The following B3GLCT variants were observed in gnomAD, a reference collection of about 807,000 sequenced individuals.
The protein encoded by B3GLCT is beta-1,3-glucosyltransferase.
In B3GLCT, 65 loss-of-function variants were observed where a neutral mutation model predicts 63.4. The observed-to-expected ratio is 1.03, with a 90% CI of 0.84 to 1.26. B3GLCT has a LOEUF of 1.26. Ranked by LOEUF, B3GLCT falls within the 50% of genes most tolerant of loss-of-function variation. The pLI, the probability that B3GLCT is intolerant of heterozygous loss-of-function variation, is 0.00. For synonymous variants in B3GLCT, 233 were observed against 219.2 expected, an observed-to-expected ratio of 1.06 and a Z score of -0.55; for missense variants, 577 against 604.8, an observed-to-expected ratio of 0.95 and a Z score of 0.48.
intron 2 of B3GLCT, among the ~76,000 whole-genome samples, chr13:31,219,271 A>G (rs555890039): frequency 6.3e-4 from 96 of 152,338 alleles, no homozygotes; most frequent in African/African-American, 2.3e-3. Context: ...CTTTATTCTT[A>G]GGAGGCAAGG....
intron 1 of B3GLCT, among the ~76,000 whole-genome samples, chr13:31,214,126 G>C (rs1869433992): frequency 6.6e-6 from 1 of 152,134 alleles, no homozygotes; most frequent in African/African-American, 2.4e-5. Context: ...GAGCCCCTCT[G>C]CTGACACTCC....
chr13:31,284,772 A>C lies in B3GLCT; in HGVS notation c.964+11A>C. ...CTAATACAGATAGAGGTGAGTCATA[A>C]TTCTTACTACTCTCCTTATTAAACA... On this transcript the variant is annotated intron_variant, in intron 11 of 14. Coordinates refer to ENST00000343307, the MANE Select transcript of B3GLCT (RefSeq NM_194318.4). 1 of 1,294,394 alleles carries C rather than the reference A, an allele frequency of 7.7e-7. No individual in the cohort carries two copies. Among genetic ancestry groups the C allele is most frequent in the East Asian group, 2.3e-5 (1 of 43,312 alleles). 80.2% of individuals were successfully genotyped at this position (1,294,394 alleles called of 1,614,324 possible). A position where few individuals can be genotyped will look rare whatever the true frequency, so the allele number is the denominator to read the frequency against.
chr13:31,217,266 A>G (rs891378737), intron 2 of B3GLCT, among the ~76,000 whole-genome samples: 1 of 151,994 alleles, frequency 6.6e-6, no homozygotes, highest in African/African-American at 2.4e-5. Context: ...GTGTCTGTTC[A>G]CGTCCTTTAC....
chr13:31,308,748 C>T (rs1035508998), intron 12 of B3GLCT, among the ~76,000 whole-genome samples: 1 of 152,136 alleles, frequency 6.6e-6, no homozygotes, highest in Non-Finnish European at 1.5e-5. Flanking sequence ...TTACACCATA[C>T]CCTCTAGTTT....
chr13:31,273,094 CTTTGTTTTTCTTTT>C (rs528142204), intron 8 of B3GLCT, among the ~76,000 whole-genome samples: 115 of 151,904 alleles, frequency 7.6e-4, no homozygotes, highest in African/African-American at 2.7e-3. Context: ...TTTTTTCTTT[CTTTGTTTTTCTTTT>C]GAGACAGAGT....
At chr13:31,233,130 A>G (rs1870466206) in intron 4 of B3GLCT, among the ~76,000 whole-genome samples, 1 of 152,224 alleles carries the variant, frequency 6.6e-6, no homozygotes, top group African/African-American at 2.4e-5. Context: ...AAATTTATCA[A>G]ATGAAAATGA....
At chr13:31,215,434 G>A (rs1426449806) in intron 2 of B3GLCT, among the ~76,000 whole-genome samples, 1 of 151,496 alleles carries the variant, frequency 6.6e-6, no homozygotes, top group African/African-American at 2.4e-5. Flanking sequence ...TCTTTTTTGC[G>A]ACGGAGTTTC....
intron 1 of B3GLCT, 51 bp from the exon 2 acceptor site, chr13:31,215,000 C>T (rs184086373): frequency 3.3e-6 from 5 of 1,513,778 alleles, no homozygotes; most frequent in Admixed American, 1.7e-5. Context: ...TGAGAATTAA[C>T]CTGAATTGCT....
At chr13:31,301,310 T>G (rs146016910) in intron 12 of B3GLCT, among the ~76,000 whole-genome samples, 31 of 152,318 alleles carry the variant, frequency 2.0e-4, no homozygotes, top group African/African-American at 7.2e-4. Context: ...CCCCACCAGC[T>G]CTTCAGTTTC....
chr13:31,313,478 A>G (rs1395443109), intron 12 of B3GLCT, among the ~76,000 whole-genome samples: 1 of 152,178 alleles, frequency 6.6e-6, no homozygotes, highest in Non-Finnish European at 1.5e-5. Context: ...TAGCAAAGAG[A>G]CTTGTGGCAT....
chr13:31,215,230 A>G, intron 2 of B3GLCT, 130 bp downstream of exon 2: 1 of 1,017,392 alleles, frequency 9.8e-7, no homozygotes, highest in South Asian at 1.4e-5. Flanking sequence ...AATGTGGTCA[A>G]CATGGATTTT....
chr13:31,270,389 GA>G (rs2137848657), intron 8 of B3GLCT, among the ~76,000 whole-genome samples: 1 of 152,198 alleles, frequency 6.6e-6, no homozygotes, highest in African/African-American at 2.4e-5. Flanking sequence ...AATAAACTTA[GA>G]AAAACATAAT....
chr13:31,214,847 G>A (rs1432340927), intron 1 of B3GLCT, among the ~76,000 whole-genome samples: 2 of 152,246 alleles, frequency 1.3e-5, no homozygotes, highest in East Asian at 1.9e-4. Flanking sequence ...GCCTAAGCGT[G>A]TTGGCTTCGT....
intron 12 of B3GLCT, among the ~76,000 whole-genome samples, chr13:31,306,812 C>T: frequency 3.1e-5 from 2 of 65,316 alleles, no homozygotes; most frequent in African/African-American, 1.3e-4. Context: ...ACTTTCTTCA[C>T]AGAATTGGAA....
rs1262541723 is a variant in B3GLCT, at chr13:31,331,026, G to A, written c.*1358G>A. The A allele has an allele frequency of 6.6e-6, 1 of 152,122 alleles. No homozygotes were observed. Among genetic ancestry groups the A allele is most frequent in the East Asian group, 1.9e-4 (1 of 5,198 alleles). The allele number at this position is 152,122 out of a possible 1,614,324, so 9.4% of individuals were successfully genotyped here. A position where few individuals can be genotyped will look rare whatever the true frequency, so the allele number is the denominator to read the frequency against. On this transcript the variant is annotated 3_prime_UTR_variant, in exon 15 of 15. Coordinates refer to ENST00000343307, the MANE Select transcript of B3GLCT (RefSeq NM_194318.4). ...CAAATTAGCAACTACCAGACCTCAC[G>A]TGTTGCAGTGATAACACAATGCATT...
intron 1 of B3GLCT, among the ~76,000 whole-genome samples, chr13:31,206,387 T>A (rs1194761619): frequency 2.6e-5 from 4 of 152,180 alleles, no homozygotes; most frequent in African/African-American, 9.7e-5. Flanking sequence ...TGGGCCACCA[T>A]AGGCCCGGAT....
At chr13:31,259,406 T>A (rs1871905362) in intron 6 of B3GLCT, among the ~76,000 whole-genome samples, 1 of 152,032 alleles carries the variant, frequency 6.6e-6, no homozygotes, top group Non-Finnish European at 1.5e-5. Flanking sequence ...GGTACGTCTA[T>A]TCATAGACTG....
chr13:31,256,363 A>T (rs1356163459), intron 6 of B3GLCT, among the ~76,000 whole-genome samples: 3 of 152,220 alleles, frequency 2.0e-5, no homozygotes, highest in Non-Finnish European at 4.4e-5. Context: ...TGTGGAAGAC[A>T]GTGTGGCGAT....
chr13:31,279,594 G>A (rs1263354337), intron 10 of B3GLCT, among the ~76,000 whole-genome samples: 6 of 152,128 alleles, frequency 3.9e-5, no homozygotes, highest in African/African-American at 1.2e-4. Flanking sequence ...TAATAAAATA[G>A]CACAAGGCAA....
Sources: gnomAD v4.1 joint callset for allele counts (sites outside exome capture counted in the v4.1 genomes callset) on GRCh38, gnomAD v4.1.1 for gene constraint, MANE v1.5 for transcripts, NCBI Gene and HGNC (gene_info 2026-07-23, HGNC 2026-07-21) for gene names.